Variants in KRT33B observed in about 807,000 individuals in gnomAD.
KRT33B encodes keratin 33B, also known as keratin, type I cuticular Ha3-II.
Under a neutral mutation model 42.7 loss-of-function variants are expected in KRT33B, and 37 were observed. The ratio of observed to expected loss-of-function variants is 0.87; its 90% confidence interval spans 0.67 to 1.14. KRT33B has a LOEUF of 1.14. Among genes scored for constraint, KRT33B ranks in the 50% most tolerant of loss-of-function variants. The pLI is 0.00. For missense variants in KRT33B, 523 were observed against 515.1 expected, an observed-to-expected ratio of 1.02 and a Z score of -0.15; for synonymous variants, 237 against 221.2, an observed-to-expected ratio of 1.07 and a Z score of -0.63.
At chr17:41,365,958 C>T (rs552015773) in intron 3 of KRT33B, among the ~76,000 whole-genome samples, 1 of 151,458 alleles carries the variant, frequency 6.6e-6, no homozygotes, top group African/African-American at 2.5e-5. Flanking sequence ...ATGTTTGAGA[C>T]ATGCATCTGA....
At position 41,365,387 on chromosome 17, in the gene KRT33B, C is replaced by G. The variant is rs771457438; in HGVS notation, c.750+5G>C. ...TCCTGAGTGGCCACGTGCTTAGATG[C>G]CCACCTGCGTGGCGAACCATTGCTC... On this transcript the variant is annotated splice_donor_5th_base_variant and intron_variant, in intron 4 of 6. Coordinates refer to ENST00000251646, the MANE Select transcript of KRT33B (RefSeq NM_002279.5). 9.3e-6 allele frequency: 15 copies of G among 1,609,694 alleles called. No homozygotes were observed. The South Asian group carries it at 1.6e-4, about 18-fold the overall frequency.
chr17:41,363,738 G>T lies in KRT33B; in HGVS notation c.*98C>A. On this transcript the variant is annotated 3_prime_UTR_variant, in exon 7 of 7. Transcript: ENST00000251646. ...AGACCATGATTTGTGGTGATGCCTC[G>T]GGGTGGGGTCCGGTGGCTGATGGTT... 1.3e-6 allele frequency: 1 copy of T among 774,474 alleles called. No homozygotes were observed. Among genetic ancestry groups the T allele is most frequent in the Non-Finnish European group, 2.2e-6 (1 of 453,820 alleles). The allele number at this position is 774,474 out of a possible 1,614,324, so 48.0% of individuals were successfully genotyped here. A position where few individuals can be genotyped will look rare whatever the true frequency, so the allele number is the denominator to read the frequency against.
chr17:41,368,712 T>A lies in KRT33B; in HGVS notation c.348+691A>T, dbSNP rs374708949. 7.3e-5 allele frequency among the ~76,000 whole-genome samples: 11 copies of A among 151,490 alleles called. 1 individual carries two copies. Among genetic ancestry groups the A allele is most frequent in the African/African-American group, 2.7e-4 (11 of 40,762 alleles). On this transcript the variant is annotated intron_variant, in intron 1 of 6. Transcript: ENST00000251646. The stretch of plus-strand genomic sequence containing the variant: ...TCCAGATCTACAGAACAGTGGGCAG[T>A]CAATTCCCTCCCAGAATCAAGGGCT...
intron 3 of KRT33B, 85 bp downstream of exon 3, chr17:41,366,385 G>T: frequency 2.0e-6 from 3 of 1,516,838 alleles, no homozygotes; most frequent in South Asian, 2.4e-5. Flanking sequence ...GGCCTAGGGT[G>T]CTTAGCAAAT....
chr17:41,368,466 G>T (rs2017729990), intron 1 of KRT33B, among the ~76,000 whole-genome samples: 1 of 151,196 alleles, frequency 6.6e-6, no homozygotes, highest in South Asian at 2.1e-4. Flanking sequence ...AAGACCCCTT[G>T]TGTAACCCAC....
At chr17:41,366,658 C>G (rs771077606) in intron 2 of KRT33B, 32 bp from the exon 3 acceptor site, 1 of 838,996 alleles carries the variant, frequency 1.2e-6, no homozygotes, top group East Asian at 4.9e-5. Context: ...AAAAGAGGTC[C>G]AAAAAAAAAA....
chr17:41,364,531 G>A (rs2144294857), intron 6 of KRT33B, among the ~76,000 whole-genome samples: 1 of 151,374 alleles, frequency 6.6e-6, no homozygotes, highest in East Asian at 1.9e-4. Context: ...GATTTATTTG[G>A]CCATCAACAT....
At position 41,369,647 on chromosome 17, in the gene KRT33B, C is replaced by T; in HGVS notation, c.104G>A (p.Cys35Tyr). Residue 35 changes from cysteine to tyrosine, a missense_variant, in exon 1 of 7, where the codon TGC becomes TAC. Cys to Tyr is a radical substitution (Grantham distance 194). Coordinates refer to ENST00000251646, the MANE Select transcript of KRT33B (RefSeq NM_002279.5). ...GTTGCTCACATTGGCAGGGATGTTG[C>T]AGGCCCCGGGCAGGGTGTAGCCGTG... ...SCHGYTLPGA[C>Y]NIPANVSNCN... 6.2e-7 allele frequency: 1 copy of T among 1,613,770 alleles called. No homozygotes were observed.
intron 6 of KRT33B, among the ~76,000 whole-genome samples, chr17:41,364,297 G>A (rs995041362): frequency 8.6e-5 from 13 of 151,212 alleles, no homozygotes; most frequent in East Asian, 1.9e-4. Flanking sequence ...TATTATGTTC[G>A]CTGGCAACTG....
rs1237003248 is a variant in KRT33B, at chr17:41,364,867, G to C, written c.1009C>G (p.Gln337Glu). 1 of 1,613,250 alleles carries C rather than the reference G, an allele frequency of 6.2e-7. No homozygotes were observed. Among genetic ancestry groups the C allele is most frequent in the East Asian group, 2.2e-5 (1 of 44,876 alleles). The change falls in exon 6 of 7, where the codon CAG (glutamine) becomes GAG (glutamate). Residue 337 changes from glutamine (Q) to glutamate (E), a missense_variant. Coordinates refer to ENST00000251646, the MANE Select transcript of KRT33B (RefSeq NM_002279.5). Reference protein sequence around the residue: ...EIRSDLERQNQEYQVLLDVRA... With the variant: ...EIRSDLERQNEEYQVLLDVRA... ...ACGTCCAGCAGCACCTGATACTCCT[G>C]GTTCTGCCGCTCCAGGTCACTGCGG...
In KRT33B at chr17:41,363,870, G is replaced by C; in HGVS notation, c.1181C>G (p.Ser394Cys). ...SCVTNPCGPR[S>C]RCGPCNTFGY The stretch of plus-strand genomic sequence containing the variant: ...AAAGGTGTTGCAAGGCCCACAGCGG[G>C]AACGAGGACCACAAGGATTGGTGAC... The change falls in exon 7 of 7, where the codon TCC becomes TGC. Residue 394 changes from serine to cysteine, a missense_variant. By Grantham distance (112) the Ser-to-Cys change is moderately radical. Transcript: ENST00000251646. 1 of 1,611,328 alleles carries C rather than the reference G, an allele frequency of 6.2e-7. No individual in the cohort carries two copies.
chr17:41,368,411 T>C (rs1187147126), intron 1 of KRT33B, among the ~76,000 whole-genome samples: 1 of 151,328 alleles, frequency 6.6e-6, no homozygotes, highest in Non-Finnish European at 1.5e-5. Flanking sequence ...TTCATGCCTT[T>C]GCAAAAAGCT....
Position 41,363,602 on chromosome 17 carries a change from C to A in KRT33B, c.*234G>T. 2.5e-6 allele frequency: 1 copy of A among 398,450 alleles called. No homozygotes were observed. Among genetic ancestry groups the A allele is most frequent in the Non-Finnish European group, 4.4e-6 (1 of 225,380 alleles). The allele number at this position is 398,450 out of a possible 1,614,324, so 24.7% of individuals were successfully genotyped here. The stretch of plus-strand genomic sequence containing the variant: ...CGTATGCCACTGTCACAGCTCCAAC[C>A]TCTGACCATCAGAACTCAGACTGAC... On this transcript the variant is annotated 3_prime_UTR_variant, in exon 7 of 7. Coordinates refer to ENST00000251646, the MANE Select transcript of KRT33B (RefSeq NM_002279.5).
Position 41,367,902 on chromosome 17 carries a change from T to C in KRT33B, c.431+6A>G. ...TAGACTGCTCTGATGGTTAGGAAAATCTTACTTGGTTCTGAAGTCATCTGC... is the reference window on the plus strand; with the variant it reads ...TAGACTGCTCTGATGGTTAGGAAAACCTTACTTGGTTCTGAAGTCATCTGC... On this transcript the variant is annotated splice_donor_region_variant and intron_variant, in intron 2 of 6. Coordinates refer to ENST00000251646, the MANE Select transcript of KRT33B (RefSeq NM_002279.5). 1 of 1,612,306 alleles carries C rather than the reference T, an allele frequency of 6.2e-7. No homozygotes were observed. The highest frequency in any genetic ancestry group is 1.1e-5 in the South Asian group (1 of 91,066).
In KRT33B at chr17:41,369,578, T is replaced by A; in HGVS notation, c.173A>T (p.Glu58Val). ...GCGGTCGTTCAGGAACTGCATAGTC[T>A]CCTTCTCGCTGCCATTGAAGGAGCC... The part of the protein sequence containing the change: ...CEGSFNGSEK[E>V]TMQFLNDRLA... Residue 58 changes from glutamate (E) to valine (V), a missense_variant, in exon 1 of 7, where the codon GAG becomes GTG. By Grantham distance (121) the Glu-to-Val change is moderately radical (BLOSUM62 -2). Coordinates refer to ENST00000251646, the MANE Select transcript of KRT33B (RefSeq NM_002279.5). 1 of 1,613,702 alleles carries A rather than the reference T, an allele frequency of 6.2e-7. No homozygotes were observed. Among genetic ancestry groups the A allele is most frequent in the Non-Finnish European group, 8.5e-7 (1 of 1,180,046 alleles).
Position 41,369,693 on chromosome 17 carries a change from G to A in KRT33B, c.58C>T (p.Pro20Ser). 6.2e-7 allele frequency: 1 copy of A among 1,613,990 alleles called. No homozygotes were observed. The highest frequency in any genetic ancestry group is 1.1e-5 in the South Asian group (1 of 91,066). The part of the protein sequence containing the change: ...LSCRTSCSSR[P>S]CVPPSCHGYT... The stretch of plus-strand genomic sequence containing the variant: ...CCGTGGCAGCTGGGGGGCACACAGG[G>A]CCGGGAGGAGCAGCTGGTGCGGCAG... Residue 20 changes from proline (P) to serine (S), a missense_variant, in exon 1 of 7, where the codon CCC becomes TCC. Pro to Ser is a moderately conservative substitution (Grantham distance 74). Coordinates refer to ENST00000251646, the MANE Select transcript of KRT33B (RefSeq NM_002279.5).
Position 41,365,480 on chromosome 17 carries a change from A to T in KRT33B, c.662T>A (p.Leu221Gln). 2 of 1,613,100 alleles carry T rather than the reference A, an allele frequency of 1.2e-6. No homozygotes were observed. The highest frequency in any genetic ancestry group is 2.2e-5 in the South Asian group (2 of 91,080). ...VEVDAAPAVDLNQVLNETRNQ... is the reference protein window; with the variant it reads ...VEVDAAPAVDQNQVLNETRNQ... Reference sequence around the variant, plus strand: ...CCTGGTCTCGTTCAGGACCTGGTTCAGGTCCACAGCGGGAGCAGCGTCCAC... The same window carrying T: ...CCTGGTCTCGTTCAGGACCTGGTTCTGGTCCACAGCGGGAGCAGCGTCCAC... Residue 221 changes from leucine to glutamine, a missense_variant, in exon 4 of 7, where the codon CTG becomes CAG. By Grantham distance (113) the Leu-to-Gln change is moderately radical. Transcript: ENST00000251646.
Position 41,364,079 on chromosome 17 carries a change from T to G in KRT33B, c.1098-126A>C, listed in dbSNP as rs2017661694. The G allele has an allele frequency of 6.2e-6, 4 of 648,212 alleles. 1 individual carries two copies. The Admixed American group carries it at 1.0e-4, about 17-fold the overall frequency. The allele number at this position is 648,212 out of a possible 1,614,324, so 40.2% of individuals were successfully genotyped here. On this transcript the variant is annotated intron_variant, in intron 6 of 6. Coordinates refer to ENST00000251646, the MANE Select transcript of KRT33B (RefSeq NM_002279.5). ...ATGTCCTAGGAAGCCATGCCTTGTT[T>G]GGATCACTCCTTCTACAGAGTTCTG...
At chr17:41,367,033 G>A (rs1374853353) in intron 2 of KRT33B, among the ~76,000 whole-genome samples, 1 of 151,340 alleles carries the variant, frequency 6.6e-6, no homozygotes, top group Non-Finnish European at 1.5e-5. Context: ...GTTAGAGCCA[G>A]TATTCTCATT....
Sources: allele counts gnomAD v4.1 joint callset (sites outside exome capture counted in the v4.1 genomes callset), GRCh38; gene constraint gnomAD v4.1.1; transcripts MANE v1.5; gene names NCBI Gene and HGNC (gene_info 2026-07-23, HGNC 2026-07-21).